Variants in LRP1B observed in about 807,000 individuals in gnomAD.
LRP1B encodes the protein LDL receptor related protein 1B, also known as low-density lipoprotein receptor-related protein 1B.
In LRP1B, 217 loss-of-function variants were observed where a neutral mutation model predicts 556.6. That is an observed-to-expected ratio of 0.39 (90% CI 0.35 to 0.44). LRP1B has a LOEUF of 0.44. LRP1B is among the 20% of genes least tolerant of loss of function. The pLI, the probability that LRP1B is intolerant of heterozygous loss-of-function variation, is 1.00. For synonymous variants in LRP1B, 2,047 were observed against 1,865.8 expected (o/e 1.10, Z -2.50); for missense variants, 5,053 against 5,620.8 (o/e 0.90, Z 3.23).
chr2:140,971,362 G>C (rs1020374562), intron 18 of LRP1B, among the ~76,000 whole-genome samples: 1 of 152,152 alleles, frequency 6.6e-6, no homozygotes, highest in Non-Finnish European at 1.5e-5. Flanking sequence ...TTTTCCTAGA[G>C]CTTTTGGAGG....
intron 3 of LRP1B, among the ~76,000 whole-genome samples, chr2:141,395,063 G>A (rs997988751): frequency 1.4e-4 from 22 of 152,058 alleles, no homozygotes; most frequent in African/African-American, 4.8e-4. Context: ...TTATAACAAA[G>A]CTGAAAATGT....
At chr2:141,428,832 C>T (rs1400833741) in intron 3 of LRP1B, among the ~76,000 whole-genome samples, 1 of 152,182 alleles carries the variant, frequency 6.6e-6, no homozygotes, top group African/African-American at 2.4e-5. Context: ...CCAACCACAA[C>T]TTTTAATCAT....
chr2:140,648,981 G>T lies in LRP1B; in HGVS notation c.6800-47342C>A, dbSNP rs565154976. ...AGCATCCTGGTAGTGGGGTGGGAGA[G>T]AAACAAACTAACCCAAAATATATTT... On this transcript the variant is annotated intron_variant, in intron 41 of 90. Coordinates refer to ENST00000389484, the MANE Select transcript of LRP1B (RefSeq NM_018557.3). Among the ~76,000 whole-genome samples the T allele has an allele frequency of 2.0e-5, 3 of 152,080 alleles. No individual in the cohort carries two copies. The East Asian group carries it at 5.8e-4, about 29-fold the overall frequency.
At chr2:140,924,643 C>T (rs1286264094) in intron 20 of LRP1B, among the ~76,000 whole-genome samples, 1 of 152,044 alleles carries the variant, frequency 6.6e-6, no homozygotes, top group Non-Finnish European at 1.5e-5. Context: ...TCAAAAGTGA[C>T]CACTGCTAAG....
At chr2:141,757,322 A>G (rs1694359049) in intron 2 of LRP1B, among the ~76,000 whole-genome samples, 1 of 152,122 alleles carries the variant, frequency 6.6e-6, no homozygotes, top group South Asian at 2.1e-4. Flanking sequence ...TGGTTCCCTT[A>G]TTAGTACCAT....
chr2:140,572,212 A>G (rs927526406), intron 43 of LRP1B, among the ~76,000 whole-genome samples: 1 of 150,012 alleles, frequency 6.7e-6, no homozygotes, highest in Non-Finnish European at 1.5e-5. Context: ...GAGACAATCT[A>G]CAGAGAAGAA....
chr2:140,862,477 C>T (rs1469361745), intron 27 of LRP1B, among the ~76,000 whole-genome samples: 3 of 152,164 alleles, frequency 2.0e-5, no homozygotes, highest in Admixed American at 2.0e-4. Context: ...ATTATTTGGC[C>T]TTTCACAGAA....
At chr2:141,218,159 A>G (rs1273000146) in intron 6 of LRP1B, among the ~76,000 whole-genome samples, 2 of 152,122 alleles carry the variant, frequency 1.3e-5, no homozygotes, top group Admixed American at 1.3e-4. Flanking sequence ...TCGATTGCAG[A>G]AAAAAAGGAA....
At chr2:141,308,681 A>G (rs1023076757) in intron 3 of LRP1B, among the ~76,000 whole-genome samples, 4 of 152,128 alleles carry the variant, frequency 2.6e-5, no homozygotes, top group African/African-American at 9.7e-5. Flanking sequence ...TTGGCACACA[A>G]AGTGTACAGT....
At chr2:141,862,297 T>A (rs1231901061) in intron 1 of LRP1B, among the ~76,000 whole-genome samples, 1 of 152,206 alleles carries the variant, frequency 6.6e-6, no homozygotes, top group African/African-American at 2.4e-5. Context: ...GTATAGCTAA[T>A]ATGCATTATT....
intron 2 of LRP1B, among the ~76,000 whole-genome samples, chr2:141,755,978 G>C (rs1008065881): frequency 3.0e-5 from 4 of 131,674 alleles, no homozygotes; most frequent in African/African-American, 8.3e-5. Flanking sequence ...AAATAGGTTT[G>C]CACAGAAAAA....
chr2:140,375,994 C>A (rs1241144439), intron 68 of LRP1B, among the ~76,000 whole-genome samples: 1 of 151,548 alleles, frequency 6.6e-6, no homozygotes, highest in East Asian at 1.9e-4. Flanking sequence ...GTGTGTAATT[C>A]TGCTTTCTAG....
chr2:140,492,846 T>C (rs957963655), intron 56 of LRP1B, among the ~76,000 whole-genome samples, 153 bp from the exon 57 acceptor site: 7 of 152,190 alleles, frequency 4.6e-5, no homozygotes, highest in Non-Finnish European at 7.3e-5. Flanking sequence ...AGCAACGTAG[T>C]TGGCAGTAGA....
chr2:141,958,953 G>A (rs985510744), intron 1 of LRP1B, among the ~76,000 whole-genome samples: 2 of 151,572 alleles, frequency 1.3e-5, no homozygotes, highest in African/African-American at 2.4e-5. Context: ...CTTATTTCTT[G>A]TGCTTCCAAC....
intron 1 of LRP1B, among the ~76,000 whole-genome samples, chr2:141,819,264 A>G (rs1179941870): frequency 6.6e-6 from 1 of 151,948 alleles, no homozygotes; most frequent in Non-Finnish European, 1.5e-5. Context: ...AACAAAAAAA[A>G]AAACAAAAAA....
chr2:141,836,076 G>T lies in LRP1B; in HGVS notation c.83-25675C>A, dbSNP rs988348173. On this transcript the variant is annotated intron_variant, in intron 1 of 90. Transcript: ENST00000389484. ...AAAATGGAACAAATCCTACACATGT[G>T]CTGCCAAATCTGTGCCTAACAGATG... 2.6e-5 allele frequency among the ~76,000 whole-genome samples: 4 copies of T among 151,950 alleles called. No individual in the cohort carries two copies. The East Asian group carries it at 5.8e-4, about 22-fold the overall frequency.
At chr2:140,457,125 C>T (rs954312575) in intron 61 of LRP1B, among the ~76,000 whole-genome samples, 2 of 152,088 alleles carry the variant, frequency 1.3e-5, no homozygotes, top group Admixed American at 1.3e-4. Flanking sequence ...AGCATAATTC[C>T]TCCTACTCAG....
At chr2:140,788,207 CAAAT>C (rs890007398) in intron 32 of LRP1B, among the ~76,000 whole-genome samples, 7 of 152,084 alleles carry the variant, frequency 4.6e-5, no homozygotes, top group East Asian at 1.9e-4. Flanking sequence ...ATGGAATAAA[CAAAT>C]GAATGAGTCA....
chr2:141,140,333 A>T (rs987509571), intron 7 of LRP1B, among the ~76,000 whole-genome samples: 10 of 152,070 alleles, frequency 6.6e-5, no homozygotes, highest in South Asian at 2.1e-4. Flanking sequence ...AATAATAAAA[A>T]TTTTTTAAAT....
Sources: allele counts gnomAD v4.1 joint callset (sites outside exome capture counted in the v4.1 genomes callset), GRCh38; gene constraint gnomAD v4.1.1; transcripts MANE v1.5; gene names NCBI Gene and HGNC (gene_info 2026-07-23, HGNC 2026-07-21).